CSMD1: variants seen among roughly 807,000 people sequenced by gnomAD.
CSMD1 encodes CUB and sushi domain-containing protein 1.
CSMD1 carries 213 observed loss-of-function variants against 417.5 expected under a neutral mutation model. That is an observed-to-expected ratio of 0.51 (90% confidence interval 0.46 to 0.57). The LOEUF (loss-of-function observed/expected upper bound fraction) is 0.57, where lower values mean the gene tolerates loss of function less well. Ranked by LOEUF, CSMD1 falls within the 20% of genes least tolerant of loss-of-function variation. The pLI, the probability that CSMD1 is intolerant of heterozygous loss-of-function variation, is 0.00. For missense variants in CSMD1, 6,923 were observed against 4,529.7 expected, an observed-to-expected ratio of 1.53 and a Z score of -15.17; for synonymous variants, 2,862 against 1,736.8, an observed-to-expected ratio of 1.65 and a Z score of -16.11.
intron 8 of CSMD1, among the ~76,000 whole-genome samples, chr8:3,591,676 G>A (rs12541850): frequency 0.34 from 52,388 of 152,008 alleles, 9,698 homozygotes; most frequent in African/African-American, 0.46. Flanking sequence ...GCAACCAATA[G>A]ATAGATGAGA....
intron 3 of CSMD1, among the ~76,000 whole-genome samples, chr8:4,110,716 C>G (rs1262074199): frequency 6.6e-6 from 1 of 151,678 alleles, no homozygotes; most frequent in Non-Finnish European, 1.5e-5. Context: ...GGTTTTTTTT[C>G]CCCTTTCTCA....
At chr8:4,947,605 T>C (rs1229826719) in intron 1 of CSMD1, among the ~76,000 whole-genome samples, 2 of 152,128 alleles carry the variant, frequency 1.3e-5, no homozygotes, top group Non-Finnish European at 2.9e-5. Flanking sequence ...CCCCTACATG[T>C]AAACTTACGG....
At chr8:4,449,015 C>A (rs1334931402) in intron 2 of CSMD1, among the ~76,000 whole-genome samples, 3 of 152,102 alleles carry the variant, frequency 2.0e-5, no homozygotes, top group Admixed American at 1.3e-4. Context: ...TACTTGTGTG[C>A]GTTCAGCCTA....
intron 2 of CSMD1, among the ~76,000 whole-genome samples, chr8:4,617,592 A>G (rs1187416573): frequency 1.3e-5 from 2 of 152,156 alleles, no homozygotes; most frequent in Non-Finnish European, 2.9e-5. Context: ...GCAATATTTT[A>G]GAAGCACCTG....
chr8:4,051,597 G>C (rs1431417650), intron 3 of CSMD1, among the ~76,000 whole-genome samples: 3 of 152,292 alleles, frequency 2.0e-5, no homozygotes, highest in East Asian at 1.9e-4. Context: ...GAAGTGCTAA[G>C]TGCACAGCGG....
At chr8:4,711,763 G>C (rs1327132967) in intron 1 of CSMD1, among the ~76,000 whole-genome samples, 1 of 151,998 alleles carries the variant, frequency 6.6e-6, no homozygotes, top group Non-Finnish European at 1.5e-5. Context: ...TGTAGTTTTT[G>C]TTTGCTTTTG....
chr8:4,981,739 C>A (rs867581141), intron 1 of CSMD1, among the ~76,000 whole-genome samples: 1 of 152,114 alleles, frequency 6.6e-6, no homozygotes, highest in South Asian at 2.1e-4. Flanking sequence ...CCCTAGGGAT[C>A]CTTTTCTCCT....
intron 3 of CSMD1, among the ~76,000 whole-genome samples, chr8:4,373,230 C>T (rs1802507121): frequency 1.3e-5 from 2 of 152,138 alleles, no homozygotes; most frequent in East Asian, 1.9e-4. Flanking sequence ...TGAGAAACTA[C>T]CCCAGCCAAG....
At chr8:3,745,044 GCAAATAAT>G (rs1563333745) in intron 6 of CSMD1, among the ~76,000 whole-genome samples, 1 of 152,130 alleles carries the variant, frequency 6.6e-6, no homozygotes, top group East Asian at 1.9e-4. Context: ...ATCATCTGAT[GCAAATAAT>G]TCAACATGTT....
intron 5 of CSMD1, among the ~76,000 whole-genome samples, chr8:3,960,290 G>C (rs1257666342): frequency 2.0e-5 from 3 of 152,128 alleles, no homozygotes; most frequent in East Asian, 3.9e-4. Context: ...AAGGAATTTA[G>C]CAAATGTTAC....
intron 3 of CSMD1, among the ~76,000 whole-genome samples, chr8:4,398,253 A>G (rs1251114369): frequency 3.9e-5 from 6 of 152,252 alleles, no homozygotes; most frequent in South Asian, 2.1e-4. Context: ...GGCTGTTGTA[A>G]TATTGTGGTG....
chr8:4,533,900 G>C (rs1228460813), intron 2 of CSMD1, among the ~76,000 whole-genome samples: 1 of 148,856 alleles, frequency 6.7e-6, no homozygotes, highest in African/African-American at 2.5e-5. Flanking sequence ...TAATTCAATA[G>C]CTAGAATATA....
intron 10 of CSMD1, among the ~76,000 whole-genome samples, chr8:3,544,005 A>G (rs1036409283): frequency 1.3e-5 from 2 of 152,130 alleles, no homozygotes; most frequent in African/African-American, 4.8e-5. Context: ...CAAGAAGCAG[A>G]GTCTAAGTAG....
chr8:3,623,569 A>C (rs1796359148), intron 7 of CSMD1, among the ~76,000 whole-genome samples: 1 of 152,110 alleles, frequency 6.6e-6, no homozygotes, highest in East Asian at 1.9e-4. Flanking sequence ...TTTGCTAGAA[A>C]CTCTTAGTAT....
intron 1 of CSMD1, among the ~76,000 whole-genome samples, chr8:4,810,429 ACTAAACAAG>A (rs1369083871): frequency 1.3e-5 from 2 of 152,232 alleles, no homozygotes; most frequent in African/African-American, 4.8e-5. Flanking sequence ...ATGCAGGGAA[ACTAAACAAG>A]GCCTTTTCTT....
At chr8:4,196,345 G>T (rs1799339730) in intron 3 of CSMD1, among the ~76,000 whole-genome samples, 1 of 152,182 alleles carries the variant, frequency 6.6e-6, no homozygotes, top group South Asian at 2.1e-4. Flanking sequence ...CGGCTTAAGA[G>T]AATACAGTCT....
In CSMD1 at chr8:3,880,425, G is replaced by T. The variant is rs563948632; in HGVS notation, c.818+117478C>A. 5.3e-5 allele frequency among the ~76,000 whole-genome samples: 8 copies of T among 152,242 alleles called. No individual in the cohort carries two copies. In the South Asian group the frequency reaches 1.7e-3, roughly 32 times the overall value. ...TGACCAAATTAGCTTCAGTTTCCAG[G>T]ATTTGAGTGATATTTATGTAAATTT... On this transcript the variant is annotated intron_variant, in intron 5 of 69. Transcript: ENST00000635120.
At chr8:3,293,110 T>A (rs1803701542) in intron 25 of CSMD1, among the ~76,000 whole-genome samples, 1 of 150,804 alleles carries the variant, frequency 6.6e-6, no homozygotes, top group East Asian at 2.0e-4. Flanking sequence ...GGATATGAAA[T>A]TCTGGGTTGA....
rs374417018 is a variant in CSMD1 at position 4,263,000 on chromosome 8, C to A, written c.415+156953G>T. On this transcript the variant is annotated intron_variant, in intron 3 of 69. Transcript: ENST00000635120. Reference sequence around the variant, plus strand: ...ACATTTTATACGCCTTTAGCTCAGTCACTAATTCTGTCTTGGCCAAATAGT... The same window carrying A: ...ACATTTTATACGCCTTTAGCTCAGTAACTAATTCTGTCTTGGCCAAATAGT... 5.5e-4 allele frequency among the ~76,000 whole-genome samples: 83 copies of A among 152,288 alleles called. 1 individual carries two copies. In the South Asian group the frequency reaches 0.016, roughly 30 times the overall value.
Sources: gnomAD v4.1 joint callset for allele counts (sites outside exome capture counted in the v4.1 genomes callset) on GRCh38, gnomAD v4.1.1 for gene constraint, MANE v1.5 for transcripts, NCBI Gene and HGNC (gene_info 2026-07-23, HGNC 2026-07-21) for gene names.